Variants in ATXN7 observed in about 807,000 individuals in gnomAD.
ATXN7 encodes the protein ataxin 7, also known as ataxin-7.
In ATXN7, 12 loss-of-function variants were observed where a neutral mutation model predicts 70.5. That is an observed-to-expected ratio of 0.17 (90% CI 0.11 to 0.28). ATXN7 has a LOEUF of 0.28. ATXN7 is among the 10% of genes least tolerant of loss of function. ATXN7 has a pLI of 1.00. For missense variants in ATXN7, 1,256 were observed against 1,131.7 expected, an observed-to-expected ratio of 1.11 and a Z score of -1.58; for synonymous variants, 498 against 448.7, an observed-to-expected ratio of 1.11 and a Z score of -1.39.
intron 8 of ATXN7, among the ~76,000 whole-genome samples, chr3:63,984,649 A>C (rs1233261631): frequency 6.6e-6 from 1 of 152,238 alleles, no homozygotes; most frequent in African/African-American, 2.4e-5. Context: ...TCATTTACAA[A>C]GCGTGGCAGG....
chr3:63,960,755 C>G (rs1019973550), intron 5 of ATXN7, among the ~76,000 whole-genome samples: 2 of 150,918 alleles, frequency 1.3e-5, no homozygotes, highest in African/African-American at 4.9e-5. Flanking sequence ...GTGCACTGAC[C>G]TGAATAAAAA....
At position 63,917,909 on chromosome 3, in the gene ATXN7, G is replaced by T. The variant is rs138679054; in HGVS notation, c.394+4684G>T. 2.3e-3 allele frequency among the ~76,000 whole-genome samples: 347 copies of T among 152,336 alleles called. 3 individuals carry two copies. Among genetic ancestry groups the T allele is most frequent in the African/African-American group, 7.0e-3 (292 of 41,572 alleles). The stretch of plus-strand genomic sequence containing the variant: ...GTTTGTGTGTTTAGGGGGTGTTGCT[G>T]TATGGCCCCAGGGGAGGCCAGAAGG... On this transcript the variant is annotated intron_variant, in intron 4 of 12. Coordinates refer to ENST00000674280, the MANE Select transcript of ATXN7 (RefSeq NM_001377405.1).
intron 1 of ATXN7, among the ~76,000 whole-genome samples, chr3:63,881,805 T>C (rs1236542863): frequency 1.3e-5 from 2 of 152,180 alleles, no homozygotes; most frequent in African/African-American, 2.4e-5. Context: ...TGGAGCATTC[T>C]ACAGGGCTAA....
Position 64,003,205 on chromosome 3 carries a change from C to CTTTTTTT in ATXN7, c.*3756_*3762dup, listed in dbSNP as rs754267860. 8.5e-3 allele frequency: 640 copies of CTTTTTTT among 75,192 alleles called. 3 individuals carry two copies. The highest frequency in any genetic ancestry group is 0.015 in the East Asian group (34 of 2,318). The allele number at this position is 75,192 out of a possible 1,614,324, so 4.7% of individuals were successfully genotyped here. On this transcript the variant is annotated 3_prime_UTR_variant, in exon 13 of 13. Coordinates refer to ENST00000674280, the MANE Select transcript of ATXN7 (RefSeq NM_001377405.1). ...AATGTAGGGCCTTGAAAGCATTTTG[C>CTTTTTTT]TTTTTTTTTTTTTTTTTTTTTTTTG...
chr3:63,872,785 G>A (rs1259268110), intron 1 of ATXN7, among the ~76,000 whole-genome samples: 1 of 152,158 alleles, frequency 6.6e-6, no homozygotes, highest in Non-Finnish European at 1.5e-5. Flanking sequence ...ACTCTGTTCT[G>A]AGGAACAGTG....
chr3:63,912,722 C>A lies in ATXN7; in HGVS notation c.124C>A (p.Pro42Thr). 8.1e-7 allele frequency: 1 copy of A among 1,236,658 alleles called. No individual in the cohort carries two copies. Among genetic ancestry groups the A allele is most frequent in the Non-Finnish European group, 1.0e-6 (1 of 979,586 alleles). The allele number at this position is 1,236,658 out of a possible 1,614,324, so 76.6% of individuals were successfully genotyped here. A position where few individuals can be genotyped will look rare whatever the true frequency, so the allele number is the denominator to read the frequency against. The change falls in exon 3 of 13, where the codon CCT becomes ACT. Residue 42 changes from proline to threonine, a missense_variant. Transcript: ENST00000674280. Reference sequence around the variant, plus strand: ...GCAGCAGCAGCAGCAGCAGCCGCCGCCTCCGCAGCCCCAGCGGCAGCAGCA... The same window carrying A: ...GCAGCAGCAGCAGCAGCAGCCGCCGACTCCGCAGCCCCAGCGGCAGCAGCA... ...QQQQQQQQPP[P>T]PQPQRQQHPP...
chr3:63,884,849 G>A (rs976459755), intron 1 of ATXN7, among the ~76,000 whole-genome samples: 7 of 151,384 alleles, frequency 4.6e-5, no homozygotes, highest in African/African-American at 1.7e-4. Context: ...TATAGAGATG[G>A]GATTTTGCCA....
chr3:63,883,645 G>A (rs1702986564), intron 1 of ATXN7, among the ~76,000 whole-genome samples: 1 of 152,020 alleles, frequency 6.6e-6, no homozygotes, highest in Admixed American at 6.6e-5. Flanking sequence ...TAAATAGGAA[G>A]GTATAACTGC....
chr3:63,886,789 G>A (rs984727871), intron 1 of ATXN7, among the ~76,000 whole-genome samples: 2 of 152,194 alleles, frequency 1.3e-5, no homozygotes, highest in Non-Finnish European at 2.9e-5. Flanking sequence ...AGTCCTTAGT[G>A]TTCTGGTCTT....
At chr3:63,882,471 GCCT>G in intron 1 of ATXN7, among the ~76,000 whole-genome samples, 1 of 146,070 alleles carries the variant, frequency 6.8e-6, no homozygotes, top group East Asian at 2.1e-4. Flanking sequence ...TGCAACCTCC[GCCT>G]CACAGGTTCA....
At chr3:63,876,923 G>A (rs755913732) in intron 1 of ATXN7, among the ~76,000 whole-genome samples, 9 of 152,028 alleles carry the variant, frequency 5.9e-5, no homozygotes, top group Non-Finnish European at 1.2e-4. Context: ...ATTTGTAGTC[G>A]GAGTACTTCA....
chr3:63,932,022 A>C (rs1466702504), intron 4 of ATXN7, among the ~76,000 whole-genome samples: 1 of 152,144 alleles, frequency 6.6e-6, no homozygotes, highest in Non-Finnish European at 1.5e-5. Flanking sequence ...TTTTGTAGGG[A>C]GAGAAAATAT....
chr3:63,887,553 T>G (rs1703127044), intron 1 of ATXN7, among the ~76,000 whole-genome samples: 1 of 152,160 alleles, frequency 6.6e-6, no homozygotes, highest in Non-Finnish European at 1.5e-5. Flanking sequence ...GTTTAAAGTA[T>G]CTGTTAGATG....
At chr3:63,895,451 G>A (rs1703413292) in intron 1 of ATXN7, among the ~76,000 whole-genome samples, 1 of 151,778 alleles carries the variant, frequency 6.6e-6, no homozygotes, top group Admixed American at 6.6e-5. Flanking sequence ...ACACATTCTG[G>A]TGATAGCTCT....
chr3:63,941,315 G>T (rs2074763421), intron 4 of ATXN7, among the ~76,000 whole-genome samples: 1 of 152,096 alleles, frequency 6.6e-6, no homozygotes, highest in Admixed American at 6.6e-5. Flanking sequence ...TGGGGTGGGG[G>T]GTTTGGGAGA....
chr3:63,983,045 G>T, intron 8 of ATXN7, 24 bp downstream of exon 8: 1 of 1,588,316 alleles, frequency 6.3e-7, no homozygotes. Flanking sequence ...TGAAAGTCAA[G>T]TCGACCATCC....
intron 2 of ATXN7, among the ~76,000 whole-genome samples, chr3:63,907,573 C>A (rs1443111231): frequency 4.0e-5 from 6 of 151,366 alleles, no homozygotes; most frequent in Non-Finnish European, 5.9e-5. Context: ...AGTCCTCCCC[C>A]TCAGCCTCCC....
At chr3:63,885,054 C>T (rs974690808) in intron 1 of ATXN7, among the ~76,000 whole-genome samples, 4 of 152,074 alleles carry the variant, frequency 2.6e-5, no homozygotes, top group African/African-American at 9.7e-5. Flanking sequence ...CTGACATTGG[C>T]CTGGGCAGTG....
At position 63,950,511 on chromosome 3, in the gene ATXN7, A is replaced by G. The variant is rs952032176; in HGVS notation, c.395-1868A>G. 3.9e-5 allele frequency among the ~76,000 whole-genome samples: 6 copies of G among 152,214 alleles called. No individual in the cohort carries two copies. The South Asian group carries it at 8.3e-4, about 21-fold the overall frequency. Reference sequence around the variant, plus strand: ...TAATGAAATTGTTCATTTGATATCTATCTCACACTCTTCAGTTGTAAATTA... The same window carrying G: ...TAATGAAATTGTTCATTTGATATCTGTCTCACACTCTTCAGTTGTAAATTA... On this transcript the variant is annotated intron_variant, in intron 4 of 12. Transcript: ENST00000674280.
Sources: allele counts gnomAD v4.1 joint callset (sites outside exome capture counted in the v4.1 genomes callset), GRCh38; gene constraint gnomAD v4.1.1; transcripts MANE v1.5; gene names NCBI Gene and HGNC (gene_info 2026-07-23, HGNC 2026-07-21).